The following ITGA7 variants were observed in gnomAD, a reference collection of about 807,000 sequenced individuals.
ITGA7 encodes integrin alpha-7.
Under a neutral mutation model 131.6 loss-of-function variants are expected in ITGA7, and 84 were observed. The observed-to-expected ratio is 0.64, with a 90% confidence interval of 0.54 to 0.77. The LOEUF (loss-of-function observed/expected upper bound fraction) is 0.77. Ranked by LOEUF, ITGA7 falls within the 30% of genes least tolerant of loss-of-function variation. The pLI is 0.00. For synonymous variants in ITGA7, 548 were observed against 600.7 expected, an observed-to-expected ratio of 0.91 and a Z score of 1.28; for missense variants, 1,399 against 1,482.9, an observed-to-expected ratio of 0.94 and a Z score of 0.93.
At chr12:55,700,791 T>C in intron 4 of ITGA7, 108 bp downstream of exon 4, 1 of 1,407,892 alleles carries the variant, frequency 7.1e-7, no homozygotes, top group Non-Finnish European at 1.0e-6. Context: ...CCTGGGGCCA[T>C]ACAGCAGTGC....
chr12:55,705,473 T>G (rs1415745564), intron 1 of ITGA7, among the ~76,000 whole-genome samples: 1 of 151,814 alleles, frequency 6.6e-6, no homozygotes. Context: ...ACTGCACTTC[T>G]CGATTCTCCA....
At position 55,706,807 on chromosome 12, in the gene ITGA7, T is replaced by A. The variant is rs552824661; in HGVS notation, c.206+670A>T. 1.1e-4 allele frequency among the ~76,000 whole-genome samples: 16 copies of A among 152,330 alleles called. No homozygotes were observed. In the South Asian group the frequency reaches 1.2e-3, roughly 12 times the overall value. On this transcript the variant is annotated intron_variant, in intron 1 of 24. Transcript: ENST00000257879. The stretch of plus-strand genomic sequence containing the variant: ...GGCCAGCATCCTTCCTGGATCTCTC[T>A]CACTGCTACAGCTGCTGCGGCTACT...
intron 1 of ITGA7, among the ~76,000 whole-genome samples, chr12:55,704,552 G>A (rs1874790967): frequency 6.6e-6 from 1 of 152,194 alleles, no homozygotes; most frequent in Non-Finnish European, 1.5e-5. Context: ...AGACACCAGG[G>A]ATATAAGAAA....
rs1339197390 is a variant in ITGA7, at chr12:55,688,975, CA to C, written c.2845-19del. ...GCGCAGTCCTAGGGATAAGGACAGA[CA>C]GGGGTCTAAGCCACTCAGCTCAACC... On this transcript the variant is annotated intron_variant, in intron 21 of 24. Coordinates refer to ENST00000257879, the MANE Select transcript of ITGA7 (RefSeq NM_002206.3). 6.2e-7 allele frequency: 1 copy of C among 1,604,440 alleles called. No individual in the cohort carries two copies. Among genetic ancestry groups the C allele is most frequent in the East Asian group, 2.2e-5 (1 of 44,822 alleles).
Position 55,698,398 on chromosome 12 carries a change from GGTTGA to G in ITGA7, c.1172_1176del (p.Leu391ProfsTer14). 8 of 1,613,006 alleles carry G rather than the reference GGTTGA, an allele frequency of 5.0e-6. No individual in the cohort carries two copies. The highest frequency in any genetic ancestry group is 6.8e-6 in the Non-Finnish European group (8 of 1,179,486). ...CCCGTCACACCTGGAAAGCCATCTT[GGTTGA>G]GGTCCCCCAGGACAGCCAGGCTGAT... On this transcript the variant is annotated frameshift_variant, in exon 7 of 25. Transcript: ENST00000257879. LOFTEE classifies it high-confidence loss of function.
At chr12:55,697,427 A>G in intron 10 of ITGA7, 24 bp downstream of exon 10, 1 of 1,609,558 alleles carries the variant, frequency 6.2e-7, no homozygotes, top group Non-Finnish European at 8.5e-7. Context: ...GCCAGGGTCC[A>G]GGTGCCACCC....
At chr12:55,716,387 G>A (rs1241402408), upstream of ITGA7, 1 of 1,420,688 alleles carries the variant, frequency 7.0e-7, no homozygotes. Flanking sequence ...CCGGTCCCTT[G>A]GGCAATACTC....
intron 21 of ITGA7, among the ~76,000 whole-genome samples, chr12:55,691,501 G>A (rs1871406112): frequency 6.6e-6 from 1 of 152,188 alleles, no homozygotes; most frequent in South Asian, 2.1e-4. Context: ...ACAAAAATAA[G>A]TATGTGAGGT....
upstream of ITGA7, chr12:55,711,969 C>T (rs1412577414): frequency 2.0e-6 from 2 of 1,005,390 alleles, no homozygotes; most frequent in Non-Finnish European, 3.1e-6. Context: ...TCTCCCTCCA[C>T]CTCATCTGGC....
At position 55,697,201 on chromosome 12, in the gene ITGA7, G is replaced by T; in HGVS notation, c.1567+15C>A. 1 of 1,592,166 alleles carries T rather than the reference G, an allele frequency of 6.3e-7. No homozygotes were observed. Among genetic ancestry groups the T allele is most frequent in the South Asian group, 1.1e-5 (1 of 88,092 alleles). ...AACCCAAAAGGGCGAGCCACAGAGG[G>T]GGGACCGCACTCACCCACAGTAGGG... On this transcript the variant is annotated intron_variant, in intron 11 of 24. Transcript: ENST00000257879.
rs943088090 is a variant in ITGA7 at position 55,701,560 on chromosome 12, T to C, written c.415-406A>G. The C allele has an allele frequency of 1.3e-4, 96 of 752,178 alleles. No homozygotes were observed. The South Asian group carries it at 1.4e-3, about 11-fold the overall frequency. The allele number at this position is 752,178 out of a possible 1,614,324, so 46.6% of individuals were successfully genotyped here. On this transcript the variant is annotated intron_variant, in intron 3 of 24. Transcript: ENST00000257879. ...CATCTCATCTGCAAAGAACTTCCTG[T>C]CCGCTTCACTCTCCAAGTATTACTT...
At position 55,698,423 on chromosome 12, in the gene ITGA7, G is replaced by T. The variant is rs763567499; in HGVS notation, c.1152C>A (p.Ser384Arg). ...GGTTGAGGTCCCCCAGGACAGCCAG[G>T]CTGATCCCGAACATGGAGTCAGGGG... Reference protein sequence around the residue: ...CGSPDSMFGISLAVLGDLNQD... With the variant: ...CGSPDSMFGIRLAVLGDLNQD... Residue 384 changes from serine to arginine, a missense_variant, in exon 7 of 25, where the codon AGC becomes AGA. Ser to Arg is a moderately radical substitution (Grantham distance 110, BLOSUM62 -1). Coordinates refer to ENST00000257879, the MANE Select transcript of ITGA7 (RefSeq NM_002206.3). 1 of 1,613,716 alleles carries T rather than the reference G, an allele frequency of 6.2e-7. No homozygotes were observed. The highest frequency in any genetic ancestry group is 1.1e-5 in the South Asian group (1 of 91,062).
Position 55,694,410 on chromosome 12 carries a change from C to T in ITGA7, c.2357+33G>A, listed in dbSNP as rs758918422. 9.4e-5 allele frequency: 152 copies of T among 1,613,090 alleles called. No individual in the cohort carries two copies. Among genetic ancestry groups the T allele is most frequent in the Non-Finnish European group, 1.2e-4 (146 of 1,179,224 alleles). On this transcript the variant is annotated intron_variant, in intron 17 of 24. Transcript: ENST00000257879. The surrounding 1 kb of genome is among the most constrained non-coding windows in gnomAD (Gnocchi z 5.3). The stretch of plus-strand genomic sequence containing the variant: ...GTCAGATGAGGTCAATATGACTACC[C>T]CCACCTCACCCTTCCGGCCCCGCCT...
upstream of ITGA7, among the ~76,000 whole-genome samples, chr12:55,713,714 G>T (rs1398961919): frequency 6.6e-6 from 1 of 152,178 alleles, no homozygotes; most frequent in African/African-American, 2.4e-5. Flanking sequence ...GTTTTTATTA[G>T]AATTTTTATT....
At chr12:55,697,410 GGAAGC>G in intron 10 of ITGA7, 36 bp downstream of exon 10, 1 of 1,591,254 alleles carries the variant, frequency 6.3e-7, no homozygotes, top group African/African-American at 1.3e-5. Context: ...GGAGGGCAGG[GGAAGC>G]TGCCAGGGTC....
chr12:55,707,816 GCCAGCCCT>G lies in ITGA7; in HGVS notation c.-142_-135del. ...CAGACGTCTCCCAGACGTTCGCCCC[GCCAGCCCT>G]CCCGCCCGCCCGCCGCTCCGCCACC... On this transcript the variant is annotated 5_prime_UTR_variant, in exon 1 of 25. Coordinates refer to ENST00000257879, the MANE Select transcript of ITGA7 (RefSeq NM_002206.3). The G allele has an allele frequency of 6.8e-7, 1 of 1,462,998 alleles. No homozygotes were observed. Among genetic ancestry groups the G allele is most frequent in the Non-Finnish European group, 9.1e-7 (1 of 1,104,476 alleles). 90.6% of individuals were successfully genotyped at this position (1,462,998 alleles called of 1,614,324 possible).
intron 4 of ITGA7, chr12:55,700,421 G>C: frequency 6.3e-7 from 1 of 1,587,514 alleles, no homozygotes; most frequent in Non-Finnish European, 8.5e-7. Flanking sequence ...TTAGTGCCCA[G>C]GGCAGGGCGC....
At position 55,707,900 on chromosome 12, in the gene ITGA7, C is replaced by A; in HGVS notation, c.-218G>T. 1 of 1,412,110 alleles carries A rather than the reference C, an allele frequency of 7.1e-7. No homozygotes were observed. The highest frequency in any genetic ancestry group is 2.9e-5 in the Admixed American group (1 of 33,922). The allele number at this position is 1,412,110 out of a possible 1,614,324, so 87.5% of individuals were successfully genotyped here. A position where few individuals can be genotyped will look rare whatever the true frequency, so the allele number is the denominator to read the frequency against. ...AACTACAGCAGCCGCAGCTCCGGCGCCCACTCCGGCTCCCGCCTCCTCTCC... is the reference window on the plus strand; with the variant it reads ...AACTACAGCAGCCGCAGCTCCGGCGACCACTCCGGCTCCCGCCTCCTCTCC... On this transcript the variant is annotated 5_prime_UTR_variant, in exon 1 of 25. Coordinates refer to ENST00000257879, the MANE Select transcript of ITGA7 (RefSeq NM_002206.3).
upstream of ITGA7, chr12:55,712,512 A>G (rs1876209866): frequency 1.8e-6 from 1 of 552,828 alleles, no homozygotes; most frequent in Admixed American, 3.1e-5. Context: ...TAACTCTGAA[A>G]GAGACCTCAA....
Sources: gnomAD v4.1 joint callset for allele counts (sites outside exome capture counted in the v4.1 genomes callset) on GRCh38, gnomAD v4.1.1 for gene constraint, Gnocchi (gnomAD v3.1) non-coding constraint, MANE v1.5 for transcripts, NCBI Gene and HGNC (gene_info 2026-07-23, HGNC 2026-07-21) for gene names.